Variants in RBFOX2 observed in about 807,000 individuals in gnomAD.
RBFOX2 encodes RNA binding protein fox-1 homolog 2.
RBFOX2 carries 10 observed loss-of-function variants against 49.1 expected under a neutral mutation model. The ratio of observed to expected loss-of-function variants is 0.20; its 90% CI spans 0.13 to 0.35. The LOEUF is 0.35. Ranked by LOEUF, RBFOX2 falls within the 10% of genes least tolerant of loss-of-function variation. The pLI is 1.00. For missense variants in RBFOX2, 323 were observed against 486.9 expected (o/e 0.66, Z 3.17); for synonymous variants, 183 against 187.4 (o/e 0.98, Z 0.19).
At chr22:35,825,653 T>C (rs989829578) in intron 1 of RBFOX2, among the ~76,000 whole-genome samples, 2 of 152,030 alleles carry the variant, frequency 1.3e-5, no homozygotes, top group Admixed American at 6.5e-5. Context: ...AAAATGAAAA[T>C]AAGGATCATT....
At chr22:35,817,691 T>C (rs1015521657) in intron 1 of RBFOX2, among the ~76,000 whole-genome samples, 7 of 152,038 alleles carry the variant, frequency 4.6e-5, no homozygotes, top group African/African-American at 1.7e-4. Context: ...AGCGTGGGTA[T>C]AACTAAAGAA....
At chr22:35,818,693 G>A (rs1043619543) in intron 1 of RBFOX2, among the ~76,000 whole-genome samples, 3 of 152,104 alleles carry the variant, frequency 2.0e-5, no homozygotes, top group Non-Finnish European at 4.4e-5. Context: ...GGGCTGAGGT[G>A]AGAGGACCAC....
intron 1 of RBFOX2, among the ~76,000 whole-genome samples, chr22:36,020,889 T>C (rs1458805218): frequency 2.0e-5 from 3 of 152,138 alleles, no homozygotes; most frequent in African/African-American, 7.2e-5. Flanking sequence ...AGCCATCCCA[T>C]TACTGGGTAT....
intron 9 of RBFOX2, among the ~76,000 whole-genome samples, chr22:35,755,389 AT>A (rs1246827566): frequency 6.6e-6 from 1 of 152,238 alleles, no homozygotes; most frequent in Non-Finnish European, 1.5e-5. Context: ...GACAGTTTAA[AT>A]AATGGAGTCC....
chr22:35,885,208 G>T (rs1042115647), intron 1 of RBFOX2, among the ~76,000 whole-genome samples: 1 of 152,064 alleles, frequency 6.6e-6, no homozygotes. Flanking sequence ...AGCAACAACT[G>T]ATCTTCCCAA....
intron 1 of RBFOX2, chr22:35,996,091 G>A (rs970216386): frequency 3.3e-5 from 5 of 152,130 alleles, no homozygotes; most frequent in African/African-American, 1.2e-4. Flanking sequence ...ATCCCATTCT[G>A]GCCTCAGCAA....
intron 2 of RBFOX2, among the ~76,000 whole-genome samples, chr22:35,807,946 A>G (rs981322816): frequency 1.9e-4 from 29 of 152,156 alleles, no homozygotes; most frequent in Non-Finnish European, 3.2e-4. Flanking sequence ...GAAATTATGA[A>G]TAACTTTATA....
intron 1 of RBFOX2, among the ~76,000 whole-genome samples, chr22:35,865,554 C>A (rs1434873494): frequency 7.2e-5 from 11 of 152,124 alleles, no homozygotes; most frequent in Non-Finnish European, 1.5e-5. Context: ...TCCCCTCCCC[C>A]ATCTTTATTA....
intron 1 of RBFOX2, among the ~76,000 whole-genome samples, chr22:35,952,585 G>A (rs1044664508): frequency 2.0e-5 from 3 of 152,154 alleles, no homozygotes; most frequent in African/African-American, 7.2e-5. Context: ...TAGTGCTGAA[G>A]TGATGCTAAA....
intron 1 of RBFOX2, among the ~76,000 whole-genome samples, chr22:35,836,918 AT>A (rs932382894): frequency 6.6e-6 from 1 of 152,226 alleles, no homozygotes; most frequent in African/African-American, 2.4e-5. Flanking sequence ...CCATATTGCT[AT>A]TTTCATAAAT....
intron 1 of RBFOX2, among the ~76,000 whole-genome samples, chr22:35,973,671 C>A (rs2056998728): frequency 6.6e-6 from 1 of 152,208 alleles, no homozygotes; most frequent in African/African-American, 2.4e-5. Context: ...CTGCTCTTAT[C>A]TGGAGCCAAT....
intron 1 of RBFOX2, among the ~76,000 whole-genome samples, chr22:35,812,405 T>G (rs180706125): frequency 1.3e-5 from 2 of 152,172 alleles, no homozygotes; most frequent in Non-Finnish European, 2.9e-5. Flanking sequence ...GTTAGGATAG[T>G]TTTTATGATG....
At chr22:35,821,947 G>A (rs764319278) in intron 1 of RBFOX2, 1 of 518,724 alleles carries the variant, frequency 1.9e-6, no homozygotes, top group African/African-American at 1.9e-5. Context: ...CACCTTCTTT[G>A]GATGGAAAGG....
intron 1 of RBFOX2, among the ~76,000 whole-genome samples, chr22:35,977,761 T>TATACAC (rs1259422253): frequency 5.5e-4 from 50 of 90,926 alleles, no homozygotes; most frequent in African/African-American, 1.2e-3. Context: ...TATATATATA[T>TATACAC]ACATGCACAC....
At chr22:35,781,878 G>C (rs1945222696) in intron 2 of RBFOX2, 132 bp from the exon 4 acceptor site, 1 of 1,003,246 alleles carries the variant, frequency 1.0e-6, no homozygotes, top group Non-Finnish European at 1.5e-6. Context: ...AAAGACAAAA[G>C]CAACAACAAC....
rs1299070011 is a variant in RBFOX2, at chr22:35,875,613, T to C, written c.-34+63234A>G. Among the ~76,000 whole-genome samples the C allele has an allele frequency of 5.0e-4, 25 of 49,820 alleles. No individual in the cohort carries two copies. In the South Asian group the frequency reaches 5.4e-3, roughly 11 times the overall value. The allele number at this position is 49,820 out of a possible 152,430, so 32.7% of individuals were successfully genotyped here. On this transcript the variant is annotated intron_variant, in intron 1 of 13. Coordinates refer to the RBFOX2 transcript ENST00000359369. ...ATTAATAAATGCTCACAAGGGTGTG[T>C]GTGTGTGTGTGTGTGTGTGTGTGTG...
At chr22:35,785,159 G>A (rs1366832848) in intron 2 of RBFOX2, among the ~76,000 whole-genome samples, 2 of 152,006 alleles carry the variant, frequency 1.3e-5, no homozygotes, top group Non-Finnish European at 2.9e-5. Flanking sequence ...CATCACACCC[G>A]GCTGAATATG....
intron 3 of RBFOX2, among the ~76,000 whole-genome samples, chr22:35,780,231 C>T (rs1164523360): frequency 6.6e-6 from 1 of 152,100 alleles, no homozygotes; most frequent in Non-Finnish European, 1.5e-5. Context: ...AAGTAGTCAG[C>T]TATAAATGAC....
At chr22:35,950,016 G>C (rs1053892603) in intron 1 of RBFOX2, among the ~76,000 whole-genome samples, 3 of 151,172 alleles carry the variant, frequency 2.0e-5, no homozygotes. Flanking sequence ...TTTACTCTAA[G>C]TTTTCTTCTA....
Sources: allele counts gnomAD v4.1 joint callset (sites outside exome capture counted in the v4.1 genomes callset), GRCh38; gene constraint gnomAD v4.1.1; transcripts MANE v1.5; gene names NCBI Gene and HGNC (gene_info 2026-07-23, HGNC 2026-07-21).